Variants in KIF9 observed in about 807,000 individuals in gnomAD.
KIF9 encodes the protein kinesin-like protein KIF9.
KIF9 carries 68 observed loss-of-function variants against 94.8 expected under a neutral mutation model. The observed-to-expected ratio is 0.72, with a 90% CI of 0.59 to 0.88. The LOEUF (loss-of-function observed/expected upper bound fraction) is 0.88, where lower values mean the gene tolerates loss of function less well. Ranked by LOEUF, KIF9 falls within the 40% of genes least tolerant of loss-of-function variation. The probability of loss-of-function intolerance (pLI) is 0.00; values close to 1 mark genes in which losing one functional copy is unlikely to be tolerated. For missense variants in KIF9, 882 were observed against 982.5 expected, an observed-to-expected ratio of 0.90 and a Z score of 1.37; for synonymous variants, 343 against 362.1, an observed-to-expected ratio of 0.95 and a Z score of 0.60.
intron 4 of KIF9, 25 bp from the exon 5 acceptor site, chr3:47,271,486 C>T (rs1290440783): frequency 1.3e-6 from 2 of 1,592,598 alleles, no homozygotes; most frequent in East Asian, 2.2e-5. Flanking sequence ...GTACAGCGGT[C>T]ACCAAGAGCA....
At chr3:47,250,688 G>A in intron 10 of KIF9, 1 of 307,148 alleles carries the variant, frequency 3.3e-6, no homozygotes, top group Non-Finnish European at 7.1e-6. Context: ...TATACCATCT[G>A]AGTGTCTTCC....
chr3:47,252,984 G>T (rs967433892), intron 10 of KIF9, among the ~76,000 whole-genome samples: 4 of 151,788 alleles, frequency 2.6e-5, no homozygotes, highest in African/African-American at 9.7e-5. Flanking sequence ...CTGCACTCCA[G>T]CACTCCAGCC....
intron 17 of KIF9, chr3:47,238,487 G>C (rs1395352224): frequency 6.6e-6 from 1 of 152,194 alleles, no homozygotes; most frequent in Non-Finnish European, 1.5e-5. Flanking sequence ...CCAAAGTGCT[G>C]AGATTACAGG....
At chr3:47,242,934 A>T in intron 16 of KIF9, 117 bp downstream of exon 16, 1 of 832,386 alleles carries the variant, frequency 1.2e-6, no homozygotes, top group Non-Finnish European at 1.8e-6. Context: ...CTGTGCTCCT[A>T]GTCTTTGCCT....
At chr3:47,229,041 G>C (rs914222543) in intron 20 of KIF9, among the ~76,000 whole-genome samples, 3 of 152,188 alleles carry the variant, frequency 2.0e-5, no homozygotes, top group Non-Finnish European at 4.4e-5. Flanking sequence ...AGGAGTTAGG[G>C]GCCAGGTATT....
At chr3:47,246,781 A>C (rs547359745) in intron 12 of KIF9, among the ~76,000 whole-genome samples, 6 of 152,132 alleles carry the variant, frequency 3.9e-5, no homozygotes, top group Non-Finnish European at 8.8e-5. Flanking sequence ...AGAAGAGTCC[A>C]TCCCTTAGTT....
chr3:47,245,086 G>T (rs181578664), intron 14 of KIF9, 162 bp from the exon 15 acceptor site: 10 of 892,922 alleles, frequency 1.1e-5, no homozygotes, highest in African/African-American at 1.7e-5. Context: ...CCTGTAGAGC[G>T]GTCCCTGACC....
At position 47,268,420 on chromosome 3, in the gene KIF9, C is replaced by T. The variant is rs565927769; in HGVS notation, c.592-1157G>A. On this transcript the variant is annotated intron_variant, in intron 5 of 20. Transcript: ENST00000684063. Reference sequence around the variant, plus strand: ...AGCCCCCCCTGGGGAGAGGAGAGCACCCGCTGAAGAGGGAAGGCCTGAGGC... The same window carrying T: ...AGCCCCCCCTGGGGAGAGGAGAGCATCCGCTGAAGAGGGAAGGCCTGAGGC... Among the ~76,000 whole-genome samples the T allele has an allele frequency of 2.6e-5, 4 of 152,188 alleles. No individual in the cohort carries two copies. The South Asian group carries it at 8.3e-4, about 32-fold the overall frequency.
chr3:47,271,508 G>T, intron 4 of KIF9, 47 bp from the exon 5 acceptor site: 1 of 1,416,746 alleles, frequency 7.1e-7, no homozygotes, highest in Non-Finnish European at 1.0e-6. Flanking sequence ...AACCCCAACA[G>T]CCAACTAGCA....
In KIF9 at chr3:47,257,559, A is replaced by G. The variant is rs572741198; in HGVS notation, c.983T>C (p.Leu328Pro). The G allele has an allele frequency of 9.3e-6, 15 of 1,613,288 alleles. No individual in the cohort carries two copies. In the African/African-American group the frequency reaches 1.7e-4, roughly 19 times the overall value. Residue 328 changes from leucine to proline, a missense_variant and splice_region_variant, in exon 10 of 21, where the codon CTA becomes CCA. Physicochemically the swap from Leu to Pro is moderately conservative, Grantham distance 98 (BLOSUM62 -3). Transcript: ENST00000684063. ...YGEAAQLEETLSSLRFASRMK... is the reference protein window; with the variant it reads ...YGEAAQLEETPSSLRFASRMK... Reference sequence around the variant, plus strand: ...CCTGCTGGCAAATCTCAGTGAAGATAGCTGCAAAACAGAGCAGGTAGACAT... The same window carrying G: ...CCTGCTGGCAAATCTCAGTGAAGATGGCTGCAAAACAGAGCAGGTAGACAT...
intron 12 of KIF9, 142 bp from the exon 13 acceptor site, chr3:47,246,394 C>G (rs1370350385): frequency 2.1e-6 from 1 of 482,974 alleles, no homozygotes; most frequent in African/African-American, 2.0e-5. Context: ...CACACAGCCT[C>G]TCAGCGAAGT....
intron 3 of KIF9, among the ~76,000 whole-genome samples, chr3:47,275,035 G>A (rs1395016477): frequency 2.6e-5 from 4 of 152,134 alleles, no homozygotes; most frequent in East Asian, 3.8e-4. Context: ...TCATAAAGAC[G>A]TATCTTCAAA....
In KIF9 at chr3:47,275,543, T is replaced by A. The variant is rs537449651; in HGVS notation, c.94-53A>T. 2.5e-4 allele frequency: 362 copies of A among 1,442,220 alleles called. 3 individuals are homozygous for A. In the African/African-American group the frequency reaches 3.1e-3, roughly 12 times the overall value. 89.3% of individuals were successfully genotyped at this position (1,442,220 alleles called of 1,614,324 possible). A position where few individuals can be genotyped will look rare whatever the true frequency, so the allele number is the denominator to read the frequency against. Reference sequence around the variant, plus strand: ...AATGTTATTTGTTCAAAAATGGGTATAAAAAAAATCACTGATAGCTGAGGC... The same window carrying A: ...AATGTTATTTGTTCAAAAATGGGTAAAAAAAAAATCACTGATAGCTGAGGC... On this transcript the variant is annotated intron_variant, in intron 2 of 20. Coordinates refer to ENST00000684063, the MANE Select transcript of KIF9 (RefSeq NM_182902.4).
chr3:47,245,894 T>C (rs1049217147), intron 13 of KIF9: 3 of 479,034 alleles, frequency 6.3e-6, no homozygotes, highest in Non-Finnish European at 7.5e-6. Context: ...ACTATGGGTA[T>C]GTTTGCACCC....
Position 47,271,394 on chromosome 3 carries a change from T to C in KIF9, c.434A>G (p.Tyr145Cys), listed in dbSNP as rs1367689125. ...CAGGAGATCAAACAGGCTCTCATTATAGATTTCCAAGTAGGAAACACGCAC... is the reference window on the plus strand; with the variant it reads ...CAGGAGATCAAACAGGCTCTCATTACAGATTTCCAAGTAGGAAACACGCAC... ...ITVRVSYLEI[Y>C]NESLFDLLST... The change falls in exon 5 of 21, where the codon TAT (tyrosine) becomes TGT (cysteine). Residue 145 changes from tyrosine (Y) to cysteine (C), a missense_variant. By Grantham distance (194) the Tyr-to-Cys change is radical. Coordinates refer to ENST00000684063, the MANE Select transcript of KIF9 (RefSeq NM_182902.4). The C allele has an allele frequency of 1.2e-6, 2 of 1,614,050 alleles. No individual in the cohort carries two copies. Among genetic ancestry groups the C allele is most frequent in the African/African-American group, 1.3e-5 (1 of 74,988 alleles).
chr3:47,259,628 T>C (rs1325172725), intron 9 of KIF9, among the ~76,000 whole-genome samples: 1 of 150,838 alleles, frequency 6.6e-6, no homozygotes, highest in Non-Finnish European at 1.5e-5. Flanking sequence ...TAAGAAAAAT[T>C]CTTCTGCCTT....
intron 5 of KIF9, among the ~76,000 whole-genome samples, chr3:47,270,382 T>G (rs371803641): frequency 6.6e-6 from 1 of 151,676 alleles, no homozygotes; most frequent in South Asian, 2.1e-4. Flanking sequence ...GCCTCCCTAG[T>G]AGCTGGGATT....
In KIF9 at chr3:47,245,445, A is replaced by T. The variant is rs1699859991; in HGVS notation, c.1356T>A (p.Phe452Leu). 1 of 1,613,998 alleles carries T rather than the reference A, an allele frequency of 6.2e-7. No individual in the cohort carries two copies. Among genetic ancestry groups the T allele is most frequent in the East Asian group, 2.2e-5 (1 of 44,882 alleles). Residue 452 changes from phenylalanine to leucine, a missense_variant, in exon 14 of 21, where the codon TTT becomes TTA. Phe to Leu is a conservative substitution (Grantham distance 22). Coordinates refer to ENST00000684063, the MANE Select transcript of KIF9 (RefSeq NM_182902.4). ...CCTTCTGGATAGCAGAAATGGCTGC[A>T]AAGTCATTCCTGTCAATGAGGGTGT... ...RKYTLIDRND[F>L]AAISAIQKAG...
At chr3:47,282,275 T>G in intron 1 of KIF9, 4 of 985,530 alleles carry the variant, frequency 4.1e-6, no homozygotes, top group Non-Finnish European at 4.8e-6. Flanking sequence ...TGGGACCCCT[T>G]TGTGGGACCA....
Sources: allele counts gnomAD v4.1 joint callset (sites outside exome capture counted in the v4.1 genomes callset), GRCh38; gene constraint gnomAD v4.1.1; transcripts MANE v1.5; gene names NCBI Gene and HGNC (gene_info 2026-07-23, HGNC 2026-07-21).